Variants in FBXL13 observed in about 807,000 individuals in gnomAD.
The protein encoded by FBXL13 is F-box and leucine rich repeat protein 13.
A neutral mutation model predicts 83.6 loss-of-function variants in FBXL13; 67 were observed. That is an observed-to-expected ratio of 0.80 (90% CI 0.66 to 0.98). The LOEUF (loss-of-function observed/expected upper bound fraction) is 0.98. Among genes scored for constraint, FBXL13 ranks in the 50% least tolerant of loss-of-function variants. The pLI, the probability that FBXL13 is intolerant of heterozygous loss-of-function variation, is 0.00. For missense variants in FBXL13, 822 were observed against 866.5 expected (o/e 0.95, Z 0.64); for synonymous variants, 272 against 299.5 (o/e 0.91, Z 0.95).
chr7:102,884,543 A>G (rs1413509097), intron 11 of FBXL13, among the ~76,000 whole-genome samples: 1 of 152,158 alleles, frequency 6.6e-6, no homozygotes, highest in Non-Finnish European at 1.5e-5. Flanking sequence ...CAGATGCAGC[A>G]GTGCATGCCT....
chr7:102,944,685 A>G (rs1822146721), intron 8 of FBXL13: 2 of 1,307,088 alleles, frequency 1.5e-6, no homozygotes, highest in Admixed American at 4.9e-5. Flanking sequence ...CATTTGATTA[A>G]CTGTGTTGCC....
chr7:102,971,470 G>A (rs1483432942), intron 6 of FBXL13, among the ~76,000 whole-genome samples: 1 of 151,668 alleles, frequency 6.6e-6, no homozygotes, highest in Admixed American at 6.6e-5. Flanking sequence ...GGTGGCACAT[G>A]CCTGTAATCC....
At chr7:102,818,250 G>A (rs942510115) in intron 19 of FBXL13, among the ~76,000 whole-genome samples, 3 of 152,318 alleles carry the variant, frequency 2.0e-5, no homozygotes, top group South Asian at 4.1e-4. Context: ...GAATGTCAGA[G>A]CTTTTTAAAA....
At chr7:102,973,700 C>G in intron 6 of FBXL13, 1 of 766,420 alleles carries the variant, frequency 1.3e-6, no homozygotes, top group East Asian at 2.4e-5. Flanking sequence ...CCACAGCAGC[C>G]GGACAAAGGA....
intron 9 of FBXL13, 45 bp from the exon 11 acceptor site, chr7:102,926,419 C>G (rs776054935): frequency 1.2e-5 from 18 of 1,466,166 alleles, no homozygotes; most frequent in East Asian, 9.4e-5. Flanking sequence ...TTATAGCAGG[C>G]TTTGCAATTT....
At chr7:103,003,293 T>G (rs1236325655) in intron 6 of FBXL13, among the ~76,000 whole-genome samples, 1,334 of 131,612 alleles carry the variant, frequency 0.01, 19 homozygotes, top group African/African-American at 0.037. Flanking sequence ...TTTTTTTTTT[T>G]TTTTTTTTTT....
At chr7:102,877,317 CA>C (rs2129457981) in intron 16 of FBXL13, 149 bp downstream of exon 17, 1 of 626,544 alleles carries the variant, frequency 1.6e-6, no homozygotes, top group African/African-American at 1.9e-5. Flanking sequence ...ACTTTTCTAT[CA>C]CCCTTCTAGA....
At chr7:103,028,635 T>C (rs765316824) in exon 4 of FBXL13, 4 of 1,596,234 alleles carry the variant, frequency 2.5e-6, no homozygotes, top group Non-Finnish European at 3.4e-6. Context: ...CATATAAGAG[T>C]GCCAGTGATG....
chr7:103,043,550 C>T (rs911595259), intron 2 of FBXL13, among the ~76,000 whole-genome samples: 2 of 152,184 alleles, frequency 1.3e-5, no homozygotes, highest in African/African-American at 4.8e-5. Context: ...GCACCTCCGT[C>T]GCCGAGGCCG....
At chr7:103,047,871 C>A (rs898127382) in intron 2 of FBXL13, among the ~76,000 whole-genome samples, 1 of 151,968 alleles carries the variant, frequency 6.6e-6, no homozygotes, top group Admixed American at 6.6e-5. Flanking sequence ...ACTTTTTGTA[C>A]CTTTAGTAGG....
intron 14 of FBXL13, among the ~76,000 whole-genome samples, chr7:102,880,337 A>G (rs1584757414): frequency 6.6e-6 from 1 of 151,582 alleles, no homozygotes; most frequent in Middle Eastern, 3.4e-3. Context: ...TTTTTACCCT[A>G]TATGTTATAC....
intron 8 of FBXL13, chr7:102,933,447 A>T (rs1293120228): frequency 6.6e-6 from 1 of 152,516 alleles, no homozygotes; most frequent in Non-Finnish European, 1.5e-5. Flanking sequence ...ATTTGTGACT[A>T]CTTCCCCCGG....
At chr7:103,010,889 A>C (rs781477695) in intron 6 of FBXL13, among the ~76,000 whole-genome samples, 3 of 152,218 alleles carry the variant, frequency 2.0e-5, no homozygotes, top group Non-Finnish European at 4.4e-5. Context: ...CGAACACCCA[A>C]CAAAAGAAAC....
intron 2 of FBXL13, among the ~76,000 whole-genome samples, chr7:103,050,721 G>A (rs1055258346): frequency 1.6e-4 from 25 of 152,194 alleles, no homozygotes; most frequent in African/African-American, 5.1e-4. Context: ...AAATTCAGGC[G>A]GCCACTTGTC....
intron 2 of FBXL13, among the ~76,000 whole-genome samples, 169 bp from the exon 4 acceptor site, chr7:103,029,587 G>A (rs1337458975): frequency 6.6e-6 from 1 of 152,096 alleles, no homozygotes; most frequent in African/African-American, 2.4e-5. Context: ...TTATGTTTTG[G>A]AATTTTGTGT....
At chr7:102,968,243 T>C (rs113779667) in intron 6 of FBXL13, 126 bp from the exon 8 acceptor site, 3 of 588,462 alleles carry the variant, frequency 5.1e-6, no homozygotes. Context: ...AATAATAAGG[T>C]AATCCATACT....
chr7:102,928,162 A>G (rs61047356), intron 9 of FBXL13, among the ~76,000 whole-genome samples: 4,326 of 152,166 alleles, frequency 0.028, 207 homozygotes, highest in East Asian at 0.16. Context: ...AAATTAGACC[A>G]CTCCCATTCT....
chr7:103,003,278 G>GT (rs563726626), intron 6 of FBXL13, among the ~76,000 whole-genome samples: 2,455 of 75,872 alleles, frequency 0.032, 512 homozygotes, highest in East Asian at 0.061. Flanking sequence ...TTGTTTTGGG[G>GT]TTTTTTTTTT....
chr7:102,903,939 C>CTTTACT (rs1813312944), intron 11 of FBXL13, among the ~76,000 whole-genome samples: 1 of 43,470 alleles, frequency 2.3e-5, no homozygotes, highest in African/African-American at 1.0e-4. Flanking sequence ...CTTTTCTTTT[C>CTTTACT]TTTTTTTTTT....
Sources: allele counts gnomAD v4.1 joint callset (sites outside exome capture counted in the v4.1 genomes callset), GRCh38; gene constraint gnomAD v4.1.1; transcripts MANE v1.5; gene names NCBI Gene and HGNC (gene_info 2026-07-23, HGNC 2026-07-21).